TMEM117: variants seen among roughly 807,000 people sequenced by gnomAD.
The protein encoded by TMEM117 is transmembrane protein 117.
In TMEM117, 27 loss-of-function variants were observed where a neutral mutation model predicts 52.4. The ratio of observed to expected loss-of-function variants is 0.51; its 90% CI spans 0.38 to 0.71. The LOEUF (loss-of-function observed/expected upper bound fraction) is 0.71. Among genes scored for constraint, TMEM117 ranks in the 30% least tolerant of loss-of-function variants. TMEM117 has a pLI of 0.00. For synonymous variants in TMEM117, 215 were observed against 206.3 expected (o/e 1.04, Z -0.36); for missense variants, 556 against 630.5 (o/e 0.88, Z 1.26).
At chr12:44,120,100 T>TC (rs1948209015) in intron 3 of TMEM117, among the ~76,000 whole-genome samples, 1 of 152,140 alleles carries the variant, frequency 6.6e-6, no homozygotes, top group Non-Finnish European at 1.5e-5. Context: ...CCTGGGCAAT[T>TC]GTCTGGTGCC....
intron 3 of TMEM117, among the ~76,000 whole-genome samples, chr12:44,003,529 T>G (rs754319680): frequency 1.2e-4 from 19 of 152,180 alleles, no homozygotes; most frequent in Non-Finnish European, 2.5e-4. Flanking sequence ...GACTGAAATA[T>G]GAACCCACAC....
chr12:43,889,163 A>G (rs180770195), intron 2 of TMEM117, among the ~76,000 whole-genome samples: 1 of 150,340 alleles, frequency 6.7e-6, no homozygotes, highest in Non-Finnish European at 1.5e-5. Flanking sequence ...GCTCACTGCA[A>G]CCTCCGCCTC....
At chr12:44,208,796 A>AT (rs1300787662) in intron 4 of TMEM117, among the ~76,000 whole-genome samples, 2 of 109,604 alleles carry the variant, frequency 1.8e-5, no homozygotes, top group Non-Finnish European at 3.5e-5. Context: ...CTTGAATGTC[A>AT]TTTTTACACA....
At chr12:44,140,347 G>T (rs1948553559) in intron 3 of TMEM117, among the ~76,000 whole-genome samples, 1 of 146,306 alleles carries the variant, frequency 6.8e-6, no homozygotes, top group African/African-American at 2.6e-5. Context: ...CTGTTTCTAG[G>T]ATTTAATGTA....
intron 3 of TMEM117, among the ~76,000 whole-genome samples, chr12:43,958,288 A>T (rs1945341368): frequency 6.6e-6 from 1 of 152,220 alleles, no homozygotes; most frequent in South Asian, 2.1e-4. Flanking sequence ...ACTGGTAAAA[A>T]TCCTTCTGTG....
chr12:44,000,394 T>C (rs1371463986), intron 3 of TMEM117, among the ~76,000 whole-genome samples: 4 of 152,174 alleles, frequency 2.6e-5, no homozygotes, highest in Admixed American at 2.0e-4. Flanking sequence ...TGACCCTTGT[T>C]TGAATACAGC....
chr12:44,291,374 G>GTTT (rs1185340451), intron 5 of TMEM117, among the ~76,000 whole-genome samples: 74 of 71,380 alleles, frequency 1.0e-3, no homozygotes, highest in African/African-American at 1.4e-3. Flanking sequence ...AGTTCTAACA[G>GTTT]TTTTTTTTTT....
chr12:44,129,194 G>A (rs1948375027), intron 3 of TMEM117, among the ~76,000 whole-genome samples: 2 of 152,224 alleles, frequency 1.3e-5, no homozygotes, highest in Non-Finnish European at 2.9e-5. Context: ...GAGTTCAGAA[G>A]AGCTTCCATT....
intron 6 of TMEM117, among the ~76,000 whole-genome samples, chr12:44,346,899 G>T (rs1014707907): frequency 6.6e-6 from 1 of 152,054 alleles, no homozygotes; most frequent in Admixed American, 6.6e-5. Flanking sequence ...GCATATTATT[G>T]AAAATAATGC....
chr12:43,848,923 A>C (rs1943258852), intron 2 of TMEM117, among the ~76,000 whole-genome samples: 2 of 152,232 alleles, frequency 1.3e-5, no homozygotes, highest in Non-Finnish European at 2.9e-5. Context: ...GATTTGGATG[A>C]AACTCAACAG....
At chr12:44,323,131 C>T (rs1238333404) in intron 6 of TMEM117, among the ~76,000 whole-genome samples, 1 of 152,134 alleles carries the variant, frequency 6.6e-6, no homozygotes, top group African/African-American at 2.4e-5. Context: ...CCTCTACAAT[C>T]AATAAAAGGC....
chr12:43,912,531 AT>A (rs1944529210), intron 2 of TMEM117, among the ~76,000 whole-genome samples: 1 of 115,490 alleles, frequency 8.7e-6, no homozygotes, highest in African/African-American at 2.9e-5. Context: ...ATATATATAT[AT>A]ATATGGCAGA....
Position 44,230,486 on chromosome 12 carries a change from A to G in TMEM117, c.608+19099A>G, listed in dbSNP as rs538808365. 1.4e-4 allele frequency among the ~76,000 whole-genome samples: 22 copies of G among 152,064 alleles called. No individual in the cohort carries two copies. The South Asian group carries it at 4.4e-3, about 30-fold the overall frequency. The stretch of plus-strand genomic sequence containing the variant: ...ATTACTGTGGAATCAGCTATTTGCT[A>G]TCCTCCCTGCCATTTCCTTGTTCAG... On this transcript the variant is annotated intron_variant, in intron 5 of 7. Transcript: ENST00000266534.
At position 43,948,766 on chromosome 12, in the gene TMEM117, G is replaced by A. The variant is rs572723050; in HGVS notation, c.410+4424G>A. ...TGCCTACTACAAAATCTTTAGAACAGCTGGAGGAGATAATGCAGCTTGGTA... is the reference window on the plus strand; with the variant it reads ...TGCCTACTACAAAATCTTTAGAACAACTGGAGGAGATAATGCAGCTTGGTA... On this transcript the variant is annotated intron_variant, in intron 3 of 7. Transcript: ENST00000266534. Among the ~76,000 whole-genome samples, 48 of 152,262 alleles carry A rather than the reference G, an allele frequency of 3.2e-4. 1 individual carries two copies. Among genetic ancestry groups the A allele is most frequent in the African/African-American group, 1.1e-3 (47 of 41,552 alleles).
At chr12:43,825,050 C>A in the TMEM117 span, among the ~76,000 whole-genome samples, 12,868 of 152,280 alleles carry the variant, frequency 0.085, 669 homozygotes, top group Middle Eastern at 0.18. Flanking sequence ...AGACCTTGTT[C>A]GGCAACTGTA....
chr12:44,096,363 C>T (rs1947762008), intron 3 of TMEM117, among the ~76,000 whole-genome samples: 1 of 151,944 alleles, frequency 6.6e-6, no homozygotes, highest in African/African-American at 2.4e-5. Flanking sequence ...GAAAAAACTA[C>T]TTTAAAGTTC....
intron 3 of TMEM117, among the ~76,000 whole-genome samples, chr12:44,103,216 T>G (rs1947893773): frequency 6.6e-6 from 1 of 151,540 alleles, no homozygotes. Context: ...TTTCTCAGCA[T>G]AACTCCATAT....
chr12:43,919,450 T>G (rs184362824), intron 2 of TMEM117, among the ~76,000 whole-genome samples: 1 of 152,358 alleles, frequency 6.6e-6, no homozygotes, highest in Admixed American at 6.5e-5. Context: ...ATCCATGCTG[T>G]CTCATATGGC....
chr12:44,313,186 C>T (rs1430419945), intron 6 of TMEM117, among the ~76,000 whole-genome samples: 1 of 152,090 alleles, frequency 6.6e-6, no homozygotes, highest in Admixed American at 6.5e-5. Context: ...TTTGCCAATC[C>T]TGTTATCTAC....
Sources: allele counts gnomAD v4.1 joint callset (sites outside exome capture counted in the v4.1 genomes callset), GRCh38; gene constraint gnomAD v4.1.1; transcripts MANE v1.5; gene names NCBI Gene and HGNC (gene_info 2026-07-23, HGNC 2026-07-21).